ZNF429: variants seen among roughly 807,000 people sequenced by gnomAD.
The protein encoded by ZNF429 is zinc finger protein 429.
Under a neutral mutation model 56.8 loss-of-function variants are expected in ZNF429, and 53 were observed. The observed-to-expected ratio is 0.93, with a 90% CI of 0.75 to 1.17. The LOEUF is 1.17. Ranked by LOEUF, ZNF429 falls within the 50% of genes most tolerant of loss-of-function variation. ZNF429 has a pLI of 0.00. For synonymous variants in ZNF429, 278 were observed against 264.7 expected, an observed-to-expected ratio of 1.05 and a Z score of -0.49; for missense variants, 849 against 788.4, an observed-to-expected ratio of 1.08 and a Z score of -0.92.
At chr19:21,512,223 C>T (rs2032518461) in intron 1 of ZNF429, among the ~76,000 whole-genome samples, 1 of 152,104 alleles carries the variant, frequency 6.6e-6, no homozygotes, top group African/African-American at 2.4e-5. Flanking sequence ...TGTTATGGCA[C>T]TGATGGGAGT....
At chr19:21,516,784 A>G (rs1039971603) in intron 1 of ZNF429, among the ~76,000 whole-genome samples, 5 of 152,040 alleles carry the variant, frequency 3.3e-5, no homozygotes, top group East Asian at 1.9e-4. Context: ...ATTTTTGTAC[A>G]TGTATTTTGT....
intron 3 of ZNF429, among the ~76,000 whole-genome samples, chr19:21,535,507 C>CTTTCTTTTCTTTTCTTTTCTTTTCT: frequency 1.1e-5 from 1 of 88,394 alleles, no homozygotes; most frequent in African/African-American, 4.7e-5. Context: ...TTCTTTCTTT[C>CTTTCTTTTCTTTTCTTTTCTTTTCT]TTTCTTTCCT....
At chr19:21,534,270 G>A in intron 3 of ZNF429, among the ~76,000 whole-genome samples, 2 of 152,050 alleles carry the variant, frequency 1.3e-5, no homozygotes, top group African/African-American at 4.8e-5. Flanking sequence ...TGAAGAGCAT[G>A]TTTTATTTTC....
chr19:21,506,332 T>A (rs1381977368), intron 1 of ZNF429, among the ~76,000 whole-genome samples: 1 of 151,206 alleles, frequency 6.6e-6, no homozygotes, highest in Non-Finnish European at 1.5e-5. Flanking sequence ...GTGGCAGGCA[T>A]CTGTAATCCC....
Position 21,537,910 on chromosome 19 carries a change from A to G in ZNF429, c.1857A>G (p.Lys619=). Residue 619 remains lysine (K), a synonymous_variant, in exon 4 of 4, where the codon AAA becomes AAG. Coordinates refer to ENST00000358491, the MANE Select transcript of ZNF429 (RefSeq NM_001001415.4). ...ATAAGAAAATTCATACTAGAGAGAA[A>G]CCTTACAAATGTGAAGAATGTGCCA... ...TQHKKIHTRE[K]PYKCEECAKA... 3 of 1,613,872 alleles carry G rather than the reference A, an allele frequency of 1.9e-6. No homozygotes were observed. The highest frequency in any genetic ancestry group is 1.7e-5 in the Admixed American group (1 of 59,962).
At chr19:21,505,905 C>T in intron 1 of ZNF429, 131 bp downstream of exon 1, 2 of 1,042,506 alleles carry the variant, frequency 1.9e-6, no homozygotes, top group South Asian at 2.8e-5. Flanking sequence ...CCTTGCCCAG[C>T]TCGGCTTCAG....
rs765248142 is a variant in ZNF429 at position 21,536,323 on chromosome 19, C to T, written c.270C>T (p.Asp90=). 7 of 1,607,312 alleles carry T rather than the reference C, an allele frequency of 4.4e-6. No homozygotes were observed. In the African/African-American group the frequency reaches 9.4e-5, roughly 22 times the overall value. ...HFAEDFWPEQ[D]IKDSFQKVTL... The stretch of plus-strand genomic sequence containing the variant: ...CTGAAGACTTTTGGCCAGAGCAAGA[C>T]ATAAAAGATTCTTTCCAAAAAGTGA... Residue 90 remains aspartate (D), a synonymous_variant, in exon 4 of 4, where the codon GAC becomes GAT. Transcript: ENST00000358491.
intron 1 of ZNF429, among the ~76,000 whole-genome samples, chr19:21,512,520 T>G (rs1248262529): frequency 6.6e-6 from 1 of 151,756 alleles, no homozygotes; most frequent in African/African-American, 2.4e-5. Context: ...AAAAATTAGC[T>G]GGGCATGGTG....
chr19:21,516,954 C>T (rs1443917501), intron 1 of ZNF429, among the ~76,000 whole-genome samples: 1 of 152,186 alleles, frequency 6.6e-6, no homozygotes, highest in Admixed American at 6.5e-5. Context: ...TGCCTGATTG[C>T]TCTAGCCAGG....
intron 1 of ZNF429, among the ~76,000 whole-genome samples, chr19:21,522,914 A>G (rs1568420314): frequency 6.6e-6 from 1 of 151,784 alleles, no homozygotes; most frequent in East Asian, 1.9e-4. Context: ...AAAAAAGTGT[A>G]TACTGTCCCG....
chr19:21,533,570 CT>C, intron 3 of ZNF429, among the ~76,000 whole-genome samples: 129 of 136,906 alleles, frequency 9.4e-4, no homozygotes, highest in Middle Eastern at 3.8e-3. Flanking sequence ...GTTAGTGGTT[CT>C]TTTTTTTTTT....
In ZNF429 at chr19:21,539,785, T is replaced by C; in HGVS notation, c.*1707T>C. Among the ~76,000 whole-genome samples the C allele has an allele frequency of 6.6e-6, 1 of 152,278 alleles. No homozygotes were observed. The highest frequency in any genetic ancestry group is 3.4e-3 in the Middle Eastern group (1 of 294). ...TATAAAATTTTTGAAAAGCAAATTA[T>C]GATATAATTCAAGTATCAAATTACT... On this transcript the variant is annotated 3_prime_UTR_variant, in exon 4 of 4. Coordinates refer to ENST00000358491, the MANE Select transcript of ZNF429 (RefSeq NM_001001415.4).
intron 3 of ZNF429, among the ~76,000 whole-genome samples, chr19:21,535,422 TTC>T: frequency 1.6e-3 from 8 of 4,996 alleles, no homozygotes; most frequent in African/African-American, 6.9e-3. Context: ...TTTTCTTTCT[TTC>T]TTTCTTTCTT....
intron 1 of ZNF429, among the ~76,000 whole-genome samples, chr19:21,517,920 A>G (rs7254872): frequency 0.16 from 24,617 of 151,080 alleles, 2,088 homozygotes; most frequent in Middle Eastern, 0.2. Flanking sequence ...CTGCCTCCTG[A>G]GTAGATGGGA....
At chr19:21,518,300 G>T (rs1262684100) in intron 1 of ZNF429, among the ~76,000 whole-genome samples, 2 of 152,140 alleles carry the variant, frequency 1.3e-5, no homozygotes, top group African/African-American at 4.8e-5. Flanking sequence ...TATTTATGAT[G>T]TTAGGTTGTT....
At chr19:21,518,281 T>C (rs1378152531) in intron 1 of ZNF429, among the ~76,000 whole-genome samples, 1 of 152,230 alleles carries the variant, frequency 6.6e-6, no homozygotes, top group Non-Finnish European at 1.5e-5. Context: ...CTTGCTTCTC[T>C]TATACTTTTA....
chr19:21,517,086 A>G (rs959626867), intron 1 of ZNF429, among the ~76,000 whole-genome samples: 3 of 152,206 alleles, frequency 2.0e-5, no homozygotes, highest in African/African-American at 7.2e-5. Context: ...TTTGTCACAG[A>G]TATCTTACTA....
intron 1 of ZNF429, among the ~76,000 whole-genome samples, chr19:21,524,822 G>T (rs912776316): frequency 6.6e-6 from 1 of 152,180 alleles, no homozygotes; most frequent in Non-Finnish European, 1.5e-5. Context: ...CAATGTAAGA[G>T]AAATGAATCA....
At chr19:21,516,865 A>G (rs2032766382) in intron 1 of ZNF429, among the ~76,000 whole-genome samples, 1 of 152,208 alleles carries the variant, frequency 6.6e-6, no homozygotes, top group South Asian at 2.1e-4. Context: ...GGTTTTCTAG[A>G]TATAGAATCA....
Sources: allele counts gnomAD v4.1 joint callset (sites outside exome capture counted in the v4.1 genomes callset), GRCh38; gene constraint gnomAD v4.1.1; transcripts MANE v1.5; gene names NCBI Gene and HGNC (gene_info 2026-07-23, HGNC 2026-07-21).